EFHB: variants seen among roughly 807,000 people sequenced by gnomAD.
The protein encoded by EFHB is EF-hand domain-containing family member B.
EFHB carries 91 observed loss-of-function variants against 87.2 expected under a neutral mutation model. That is an observed-to-expected ratio of 1.04 (90% CI 0.88 to 1.24). The LOEUF is 1.24. Ranked by LOEUF, EFHB falls within the 50% of genes most tolerant of loss-of-function variation. The pLI is 0.00. For synonymous variants in EFHB, 325 were observed against 333.6 expected, an observed-to-expected ratio of 0.97 and a Z score of 0.28; for missense variants, 1,084 against 998.8, an observed-to-expected ratio of 1.09 and a Z score of -1.15.
intron 5 of EFHB, among the ~76,000 whole-genome samples, chr3:19,909,126 A>AT (rs763899780): frequency 2.0e-5 from 3 of 149,334 alleles, no homozygotes; most frequent in Non-Finnish European, 4.4e-5. Context: ...ATAGTACTTG[A>AT]TTTTAACTTC....
At chr3:19,905,469 T>C in intron 6 of EFHB, 151 bp downstream of exon 6, 3 of 842,236 alleles carry the variant, frequency 3.6e-6, no homozygotes, top group South Asian at 4.4e-5. Context: ...AGAAGTGAAA[T>C]ACATTACACT....
intron 6 of EFHB, among the ~76,000 whole-genome samples, chr3:19,904,196 A>G (rs1192933445): frequency 6.6e-6 from 1 of 152,210 alleles, no homozygotes; most frequent in Non-Finnish European, 1.5e-5. Flanking sequence ...ATTGACAAAT[A>G]TGAATGCGAG....
intron 9 of EFHB, among the ~76,000 whole-genome samples, chr3:19,889,847 C>T (rs904725624): frequency 2.0e-5 from 3 of 152,066 alleles, no homozygotes; most frequent in African/African-American, 2.4e-5. Flanking sequence ...AATTAGCCAG[C>T]GTGGTGGCAC....
intron 9 of EFHB, among the ~76,000 whole-genome samples, chr3:19,894,051 T>C (rs1694391739): frequency 6.6e-6 from 1 of 152,218 alleles, no homozygotes; most frequent in African/African-American, 2.4e-5. Flanking sequence ...CTGACTTGCA[T>C]TGCTAAGAAC....
At chr3:19,929,113 A>G (rs1023429868) in intron 1 of EFHB, among the ~76,000 whole-genome samples, 1 of 152,232 alleles carries the variant, frequency 6.6e-6, no homozygotes, top group Non-Finnish European at 1.5e-5. Flanking sequence ...AGATTTGGCA[A>G]TAGAAACTAG....
chr3:19,903,435 T>C (rs529138320), intron 6 of EFHB, among the ~76,000 whole-genome samples: 76 of 152,230 alleles, frequency 5.0e-4, no homozygotes, highest in African/African-American at 1.7e-3. Context: ...TTCTAACCCA[T>C]TGAAAATGGA....
intron 4 of EFHB, among the ~76,000 whole-genome samples, chr3:19,918,010 A>T (rs1346195503): frequency 6.6e-6 from 1 of 152,164 alleles, no homozygotes; most frequent in African/African-American, 2.4e-5. Flanking sequence ...TACTATGCTC[A>T]CTATATCTGG....
At chr3:19,930,253 A>G (rs952650960) in intron 1 of EFHB, among the ~76,000 whole-genome samples, 15 of 152,220 alleles carry the variant, frequency 9.9e-5, no homozygotes, top group African/African-American at 3.1e-4. Context: ...ATATTTTAAC[A>G]TCTTAAAAAT....
Position 19,933,363 on chromosome 3 carries a change from G to A in EFHB, c.656C>T (p.Pro219Leu). ...ATGTTGTTGGGCAAACTGGCATTGG[G>A]GAGGTTCTATCACCAAGCCCATTTG... ...EPQMGLVIEP[P>L]QCQFAQQHEQ... Residue 219 changes from proline to leucine, a missense_variant, in exon 1 of 13, where the codon CCC (proline) becomes CTC (leucine). Coordinates refer to ENST00000295824, the MANE Select transcript of EFHB (RefSeq NM_144715.4). The A allele has an allele frequency of 6.2e-7, 1 of 1,613,966 alleles. No homozygotes were observed. The highest frequency in any genetic ancestry group is 8.5e-7 in the Non-Finnish European group (1 of 1,179,886).
intron 1 of EFHB, among the ~76,000 whole-genome samples, chr3:19,921,766 T>C (rs761290159): frequency 6.6e-6 from 1 of 151,974 alleles, no homozygotes; most frequent in Non-Finnish European, 1.5e-5. Flanking sequence ...AGAAGAGATA[T>C]AGTGAGATTT....
At chr3:19,939,370 CTTTTTTTTTTTTTTTTTTTTT>C (rs147510880) in intron 1 of EFHB, among the ~76,000 whole-genome samples, 2 of 64,582 alleles carry the variant, frequency 3.1e-5, no homozygotes, top group African/African-American at 6.3e-5. Flanking sequence ...GTTGGGTCTC[CTTTTTTTTTTTTTTTTTTTTT>C]TTTTTTTTTG....
chr3:19,919,770 T>C, intron 3 of EFHB, 63 bp downstream of exon 3: 3 of 1,505,912 alleles, frequency 2.0e-6, no homozygotes, highest in South Asian at 2.3e-5. Context: ...CACTAATACC[T>C]GATTTGTGCA....
intron 11 of EFHB, among the ~76,000 whole-genome samples, chr3:19,883,037 G>A (rs1360805283): frequency 6.6e-6 from 1 of 151,202 alleles, no homozygotes; most frequent in Non-Finnish European, 1.5e-5. Flanking sequence ...GTCTCACTCT[G>A]TCACCCAGGC....
chr3:19,945,864 C>G (rs1373330362), intron 1 of EFHB: 4 of 152,180 alleles, frequency 2.6e-5, no homozygotes, highest in Non-Finnish European at 5.9e-5. Flanking sequence ...GATACCTTAA[C>G]CCGGTACACT....
intron 12 of EFHB, 23 bp downstream of exon 12, chr3:19,882,527 T>G (rs2071702861): frequency 6.8e-7 from 1 of 1,461,070 alleles, no homozygotes; most frequent in African/African-American, 1.4e-5. Flanking sequence ...ACATTTCCAT[T>G]TTTGTATGCT....
chr3:19,933,918 A>C lies in EFHB; in HGVS notation c.101T>G (p.Val34Gly). The C allele has an allele frequency of 6.2e-7, 1 of 1,613,342 alleles. No homozygotes were observed. Among genetic ancestry groups the C allele is most frequent in the Non-Finnish European group, 8.5e-7 (1 of 1,179,736 alleles). Reference protein sequence around the residue: ...TKFPMELGIRVGLGKEDSRCG... With the variant: ...TKFPMELGIRGGLGKEDSRCG... ...TCGGGAATCTTCTTTTCCTAATCCT[A>C]CTCTGATCCCCAACTCCATGGGAAA... Residue 34 changes from valine to glycine, a missense_variant, in exon 1 of 13, where the codon GTA becomes GGA. Val to Gly is a moderately radical substitution (Grantham distance 109). Transcript: ENST00000295824.
intron 12 of EFHB, among the ~76,000 whole-genome samples, chr3:19,880,129 GA>G (rs2071636834): frequency 6.6e-6 from 1 of 151,958 alleles, no homozygotes; most frequent in African/African-American, 2.4e-5. Context: ...TAAAAAGAGT[GA>G]AAAAAATAAA....
At chr3:19,926,951 C>T (rs376405381) in intron 1 of EFHB, among the ~76,000 whole-genome samples, 1 of 152,162 alleles carries the variant, frequency 6.6e-6, no homozygotes, top group Non-Finnish European at 1.5e-5. Flanking sequence ...TGAGCCACCC[C>T]GCCCGGACTT....
intron 1 of EFHB, among the ~76,000 whole-genome samples, chr3:19,921,753 TGGA>T (rs1695444427): frequency 6.6e-6 from 1 of 152,130 alleles, no homozygotes; most frequent in Non-Finnish European, 1.5e-5. Flanking sequence ...ACTGAGAAGA[TGGA>T]GAAGAGATAT....
Sources: gnomAD v4.1 joint callset for allele counts (sites outside exome capture counted in the v4.1 genomes callset) on GRCh38, gnomAD v4.1.1 for gene constraint, MANE v1.5 for transcripts, NCBI Gene and HGNC (gene_info 2026-07-23, HGNC 2026-07-21) for gene names.